Variants in SYNGR1 observed in about 807,000 individuals in gnomAD.
SYNGR1 encodes synaptogyrin 1.
In SYNGR1, 14 loss-of-function variants were observed where a neutral mutation model predicts 26.1. The observed-to-expected ratio is 0.54, with a 90% confidence interval of 0.35 to 0.84. SYNGR1 has a LOEUF of 0.84. SYNGR1 is among the 40% of genes least tolerant of loss of function. The probability of loss-of-function intolerance (pLI) is 0.01; values close to 1 mark genes in which losing one functional copy is unlikely to be tolerated. For synonymous variants in SYNGR1, 141 were observed against 150.1 expected, an observed-to-expected ratio of 0.94 and a Z score of 0.44; for missense variants, 319 against 332.9, an observed-to-expected ratio of 0.96 and a Z score of 0.33.
At chr22:39,364,909 A>G (rs1924662320) in intron 1 of SYNGR1, among the ~76,000 whole-genome samples, 1 of 152,234 alleles carries the variant, frequency 6.6e-6, no homozygotes, top group African/African-American at 2.4e-5. Context: ...ACCAAGCGCC[A>G]TCTGGAATCC....
chr22:39,365,024 G>T (rs529535030), intron 1 of SYNGR1, among the ~76,000 whole-genome samples: 11 of 152,250 alleles, frequency 7.2e-5, no homozygotes, highest in African/African-American at 2.4e-4. Context: ...GCTTTAGCTC[G>T]AGGGAAGCTT....
chr22:39,375,699 G>A, intron 2 of SYNGR1: 1 of 587,504 alleles, frequency 1.7e-6, no homozygotes. Flanking sequence ...GCTGGACATG[G>A]GGGTTTGGCA....
In SYNGR1 at chr22:39,384,807, G is replaced by T. The variant is rs993258782; in HGVS notation, c.*2893G>T. The T allele has an allele frequency of 1.0e-5, 4 of 398,868 alleles. No homozygotes were observed. Among genetic ancestry groups the T allele is most frequent in the Non-Finnish European group, 1.8e-5 (4 of 226,094 alleles). The allele number at this position is 398,868 out of a possible 1,614,324, so 24.7% of individuals were successfully genotyped here. The stretch of plus-strand genomic sequence containing the variant: ...AAAGGTTTCACATAAGTGTAGAGTC[G>T]CAAGGACGCTTAGAGTCGGCAGAGT... On this transcript the variant is annotated 3_prime_UTR_variant, in exon 4 of 4. Coordinates refer to ENST00000328933, the MANE Select transcript of SYNGR1 (RefSeq NM_004711.5).
intron 1 of SYNGR1, among the ~76,000 whole-genome samples, chr22:39,366,706 C>T (rs1307314446): frequency 6.6e-6 from 1 of 152,174 alleles, no homozygotes; most frequent in Non-Finnish European, 1.5e-5. Context: ...CCTGCACCAG[C>T]CCCAGGCCTG....
chr22:39,377,835 C>A, intron 3 of SYNGR1: 2 of 1,517,536 alleles, frequency 1.3e-6, no homozygotes, highest in African/African-American at 2.7e-5. Flanking sequence ...AGGTTCTCCA[C>A]TGACTCATTC....
At chr22:39,376,723 GA>G (rs1420809344) in intron 3 of SYNGR1, among the ~76,000 whole-genome samples, 1 of 152,202 alleles carries the variant, frequency 6.6e-6, no homozygotes, top group Non-Finnish European at 1.5e-5. Flanking sequence ...CAGGGCCTGA[GA>G]GCCGTGAGCA....
chr22:39,351,193 G>A (rs1242569676), intron 1 of SYNGR1, among the ~76,000 whole-genome samples: 4 of 152,198 alleles, frequency 2.6e-5, no homozygotes, highest in African/African-American at 9.6e-5. Context: ...CCCGTTCCTT[G>A]TGGGCTTAGA....
Position 39,385,159 on chromosome 22 carries a change from G to A in SYNGR1, c.*3245G>A, listed in dbSNP as rs1022024644. 1.0e-4 allele frequency: 41 copies of A among 396,690 alleles called. No individual in the cohort carries two copies. Among genetic ancestry groups the A allele is most frequent in the Middle Eastern group, 1.2e-3 (2 of 1,608 alleles). The allele number at this position is 396,690 out of a possible 1,614,324, so 24.6% of individuals were successfully genotyped here. On this transcript the variant is annotated 3_prime_UTR_variant, in exon 4 of 4. Transcript: ENST00000328933. ...ACCCCTTTGATTCTCTAAGGAGCAC[G>A]AAAGGGGGAATGCCCCTCCCAGGAG... is the stretch of plus-strand genomic sequence containing the variant.
chr22:39,378,240 CCT>C (rs1250539577), intron 3 of SYNGR1: 1 of 1,027,070 alleles, frequency 9.7e-7, no homozygotes, highest in African/African-American at 1.7e-5. Flanking sequence ...AACCCGTGCA[CCT>C]CTCTCAGCCT....
intron 3 of SYNGR1, chr22:39,379,578 G>A (rs9611167): frequency 0.64 from 96,214 of 150,686 alleles, 31,434 homozygotes; most frequent in East Asian, 0.92. Flanking sequence ...ATGTTGCAGT[G>A]AGCCAAGGTT....
At chr22:39,380,202 C>T (rs1312932950) in intron 3 of SYNGR1, among the ~76,000 whole-genome samples, 1 of 150,754 alleles carries the variant, frequency 6.6e-6, no homozygotes, top group African/African-American at 2.4e-5. Context: ...AGGCTAGGCG[C>T]GGTCACATTG....
intron 2 of SYNGR1, 35 bp from the exon 3 acceptor site, chr22:39,376,017 C>G: frequency 1.2e-6 from 2 of 1,614,084 alleles, no homozygotes; most frequent in Non-Finnish European, 1.7e-6. Flanking sequence ...CCATGTGTGG[C>G]ACTGCCTATT....
intron 1 of SYNGR1, among the ~76,000 whole-genome samples, chr22:39,355,048 G>C (rs963980033): frequency 1.2e-4 from 19 of 152,142 alleles, no homozygotes; most frequent in Admixed American, 2.6e-4. Flanking sequence ...CAAGTCCCCT[G>C]CTCAGTGCCA....
intron 1 of SYNGR1, chr22:39,364,231 C>A: frequency 6.2e-7 from 1 of 1,613,976 alleles, no homozygotes; most frequent in African/African-American, 1.3e-5. Context: ...GGAATTCGAT[C>A]CTTCATGGAT....
chr22:39,364,798 C>A (rs1431723874), intron 1 of SYNGR1, among the ~76,000 whole-genome samples: 1 of 152,112 alleles, frequency 6.6e-6, no homozygotes, highest in Non-Finnish European at 1.5e-5. Context: ...CTTCTGGGGT[C>A]TCTGTTTCTA....
At chr22:39,379,125 C>T (rs1257267256) in intron 3 of SYNGR1, among the ~76,000 whole-genome samples, 1 of 152,148 alleles carries the variant, frequency 6.6e-6, no homozygotes, top group Non-Finnish European at 1.5e-5. Context: ...GGGGGCTCTT[C>T]ACCTCCCCTG....
At position 39,381,784 on chromosome 22, in the gene SYNGR1, A is replaced by G. The variant is rs762735075; in HGVS notation, c.572A>G (p.Asp191Gly). ...CAGGACTACATGGACCCCAGCCAGG[A>G]CTCCAGCATGCCTTACGCGCCCTAC... ...FSQDYMDPSQDSSMPYAPYVE... is the reference protein window; with the variant it reads ...FSQDYMDPSQGSSMPYAPYVE... Residue 191 changes from aspartate (D) to glycine (G), a missense_variant, in exon 4 of 4, where the codon GAC becomes GGC. Physicochemically the swap from Asp to Gly is moderately conservative, Grantham distance 94. Transcript: ENST00000328933. 2.5e-6 allele frequency: 4 copies of G among 1,611,148 alleles called. 1 individual carries two copies. The South Asian group carries it at 4.4e-5, about 18-fold the overall frequency.
At position 39,350,244 on chromosome 22, in the gene SYNGR1, C is replaced by T; in HGVS notation, c.99+135C>T. The T allele has an allele frequency of 2.1e-6, 1 of 476,910 alleles. No individual in the cohort carries two copies. Among genetic ancestry groups the T allele is most frequent in the East Asian group, 6.2e-5 (1 of 16,228 alleles). The allele number at this position is 476,910 out of a possible 1,614,324, so 29.5% of individuals were successfully genotyped here. ...GGCGCGGCGGCGGGCGAGGAGCTGT[C>T]CTGCCTGCGGGGCCCGCTGCCGCCG... On this transcript the variant is annotated intron_variant, in intron 1 of 3. Transcript: ENST00000328933. The surrounding 1 kb of genome is among the most constrained non-coding windows in gnomAD (Gnocchi z 4.3).
At position 39,373,404 on chromosome 22, in the gene SYNGR1, G is replaced by C. The variant is rs191680389; in HGVS notation, c.100-912G>C. 4.6e-4 allele frequency among the ~76,000 whole-genome samples: 70 copies of C among 152,222 alleles called. No individual in the cohort carries two copies. The East Asian group carries it at 0.01, about 23-fold the overall frequency. On this transcript the variant is annotated intron_variant, in intron 1 of 3. Coordinates refer to ENST00000328933, the MANE Select transcript of SYNGR1 (RefSeq NM_004711.5). ...GCTGGTCTCAAACTCCTGACCTCGT[G>C]ATCCACCCGCCTCTGCCTCCCAAAG... is the stretch of plus-strand genomic sequence containing the variant.
Sources: allele counts gnomAD v4.1 joint callset (sites outside exome capture counted in the v4.1 genomes callset), GRCh38; gene constraint gnomAD v4.1.1; non-coding constraint Gnocchi (gnomAD v3.1); transcripts MANE v1.5; gene names NCBI Gene and HGNC (gene_info 2026-07-23, HGNC 2026-07-21).